The following CPNE5 variants were observed in gnomAD, a reference collection of about 807,000 sequenced individuals.
The protein encoded by CPNE5 is copine-5.
Under a neutral mutation model 81.1 loss-of-function variants are expected in CPNE5, and 42 were observed. That is an observed-to-expected ratio of 0.52 (90% CI 0.40 to 0.67). The LOEUF is 0.67. Ranked by LOEUF, CPNE5 falls within the 30% of genes least tolerant of loss-of-function variation. The probability of loss-of-function intolerance (pLI) is 0.00; values close to 1 mark genes in which losing one functional copy is unlikely to be tolerated. For synonymous variants in CPNE5, 313 were observed against 321.5 expected, an observed-to-expected ratio of 0.97 and a Z score of 0.28; for missense variants, 612 against 815.5, an observed-to-expected ratio of 0.75 and a Z score of 3.04.
chr6:36,765,274 G>A, intron 11 of CPNE5, 61 bp downstream of exon 11: 1 of 1,577,444 alleles, frequency 6.3e-7, no homozygotes, highest in Non-Finnish European at 8.7e-7. Flanking sequence ...TGGGAGGGCA[G>A]GGCCCAGTGG....
chr6:36,749,952 G>T (rs1368283730), intron 14 of CPNE5, among the ~76,000 whole-genome samples: 1 of 152,336 alleles, frequency 6.6e-6, no homozygotes, highest in African/African-American at 2.4e-5. Flanking sequence ...CCCTGATAAA[G>T]TCTAGTCTTA....
intron 3 of CPNE5, among the ~76,000 whole-genome samples, chr6:36,805,421 G>A (rs1281718538): frequency 1.3e-5 from 2 of 152,244 alleles, no homozygotes; most frequent in South Asian, 2.1e-4. Flanking sequence ...GAGGATACTG[G>A]GAGTGGGGGA....
At position 36,787,222 on chromosome 6, in the gene CPNE5, G is replaced by A. The variant is rs78861911; in HGVS notation, c.528+4811C>T. Among the ~76,000 whole-genome samples, 916 of 152,162 alleles carry A rather than the reference G, an allele frequency of 6.0e-3. 6 individuals carry two copies. The highest frequency in any genetic ancestry group is 0.021 in the African/African-American group (855 of 41,488). Reference sequence around the variant, plus strand: ...CTTCTTCCCTCATCTTTCAGGTAGAGAAACTGGCCTCTCCCTGAAGCTTAT... The same window carrying A: ...CTTCTTCCCTCATCTTTCAGGTAGAAAAACTGGCCTCTCCCTGAAGCTTAT... On this transcript the variant is annotated intron_variant, in intron 8 of 20. Coordinates refer to ENST00000244751, the MANE Select transcript of CPNE5 (RefSeq NM_020939.2).
At chr6:36,816,111 A>G (rs1771524639) in intron 3 of CPNE5, among the ~76,000 whole-genome samples, 1 of 152,178 alleles carries the variant, frequency 6.6e-6, no homozygotes, top group East Asian at 1.9e-4. Flanking sequence ...CATTTTATAG[A>G]TTAGTAAGCT....
chr6:36,818,629 G>A (rs540071322), intron 3 of CPNE5, among the ~76,000 whole-genome samples: 2 of 152,300 alleles, frequency 1.3e-5, no homozygotes, highest in Admixed American at 6.5e-5. Flanking sequence ...TTTACCCTCA[G>A]ACGCCAGATG....
At position 36,741,353 on chromosome 6, in the gene CPNE5, G is replaced by GT. The variant is rs34154190; in HGVS notation, c.*914dup. On this transcript the variant is annotated 3_prime_UTR_variant, in exon 21 of 21. Transcript: ENST00000244751. ...CTTGCTTGGGTTCCCACATTAGGCA[G>GT]TGGGGGGAGGCAGGGCTCAAACCCA... 0.16 allele frequency: 25,015 copies of GT among 152,228 alleles called. 2,377 individuals carry two copies. Among genetic ancestry groups the GT allele is most frequent in the East Asian group, 0.26 (1,363 of 5,168 alleles). 9.4% of individuals were successfully genotyped at this position (152,228 alleles called of 1,614,324 possible). A position where few individuals can be genotyped will look rare whatever the true frequency, so the allele number is the denominator to read the frequency against.
At chr6:36,770,613 A>G (rs918134718) in intron 10 of CPNE5, among the ~76,000 whole-genome samples, 3 of 151,460 alleles carry the variant, frequency 2.0e-5, no homozygotes, top group Non-Finnish European at 4.4e-5. Flanking sequence ...CCCTCTGACC[A>G]TCTCCTCTTC....
intron 6 of CPNE5, among the ~76,000 whole-genome samples, chr6:36,796,048 A>C (rs940302355): frequency 6.6e-6 from 1 of 152,126 alleles, no homozygotes; most frequent in Non-Finnish European, 1.5e-5. Context: ...TCCTGGGTTC[A>C]AGCGATTCTC....
intron 3 of CPNE5, among the ~76,000 whole-genome samples, chr6:36,816,777 ATGTT>A (rs1254489822): frequency 8.5e-5 from 13 of 152,166 alleles, no homozygotes; most frequent in African/African-American, 2.6e-4. Context: ...CGTCCCCAGT[ATGTT>A]TGTTTGTTTG....
chr6:36,835,267 G>A (rs748264833), intron 1 of CPNE5, among the ~76,000 whole-genome samples: 2 of 152,194 alleles, frequency 1.3e-5, no homozygotes, highest in East Asian at 1.9e-4. Context: ...AGATCCCTGC[G>A]TGGAGACCTG....
chr6:36,802,103 C>A (rs1415511426), intron 3 of CPNE5, among the ~76,000 whole-genome samples: 2 of 151,560 alleles, frequency 1.3e-5, no homozygotes, highest in East Asian at 3.9e-4. Flanking sequence ...CCTGTAGACC[C>A]AGCTACTCAG....
chr6:36,801,155 C>T (rs2150531759), intron 3 of CPNE5, among the ~76,000 whole-genome samples: 1 of 152,322 alleles, frequency 6.6e-6, no homozygotes, highest in East Asian at 1.9e-4. Context: ...AGCTGATATT[C>T]TAGAATTTTA....
intron 1 of CPNE5, among the ~76,000 whole-genome samples, chr6:36,835,682 G>C (rs1302866325): frequency 6.6e-6 from 1 of 152,064 alleles, no homozygotes; most frequent in African/African-American, 2.4e-5. Flanking sequence ...TGTAATTCCA[G>C]TTACTCAGTA....
chr6:36,812,528 GA>G (rs1192918481), intron 3 of CPNE5, among the ~76,000 whole-genome samples: 2 of 152,094 alleles, frequency 1.3e-5, no homozygotes, highest in Admixed American at 6.5e-5. Flanking sequence ...TTTTATTGAT[GA>G]AAAAAACTAA....
At chr6:36,752,567 C>T (rs1170005163) in intron 14 of CPNE5, 1 of 153,278 alleles carries the variant, frequency 6.5e-6, no homozygotes, top group Admixed American at 6.5e-5. Context: ...CTGTAAGGAA[C>T]CTTAACACTT....
At chr6:36,807,272 T>G (rs1431640837) in intron 3 of CPNE5, among the ~76,000 whole-genome samples, 1 of 152,216 alleles carries the variant, frequency 6.6e-6, no homozygotes, top group African/African-American at 2.4e-5. Flanking sequence ...GCCTCTGGGT[T>G]CAAATTTTGG....
Position 36,800,064 on chromosome 6 carries a change from G to A in CPNE5, c.190C>T (p.Arg64Cys), listed in dbSNP as rs372874067. The A allele has an allele frequency of 2.0e-5, 32 of 1,610,466 alleles. No individual in the cohort carries two copies. The highest frequency in any genetic ancestry group is 4.5e-5 in the East Asian group (2 of 44,850). ...MENKQWREFG[R>C]TEVIDNTLNP... is the part of the protein sequence containing the mutation. The stretch of plus-strand genomic sequence containing the variant: ...AGCGTGTTGTCGATGACTTCGGTGC[G>A]CCCAAACTGCAAGAGAAGATGGAGG... The change falls in exon 4 of 21, where the codon CGC becomes TGC. Residue 64 changes from arginine to cysteine, a missense_variant. Transcript: ENST00000244751.
intron 8 of CPNE5, among the ~76,000 whole-genome samples, chr6:36,782,530 T>C (rs1562131695): frequency 1.3e-5 from 2 of 151,972 alleles, no homozygotes; most frequent in Non-Finnish European, 2.9e-5. Context: ...AAGGGACAGG[T>C]ACAGTGGCTC....
intron 11 of CPNE5, among the ~76,000 whole-genome samples, chr6:36,764,630 C>T (rs1426673606): frequency 2.0e-5 from 3 of 152,104 alleles, no homozygotes; most frequent in African/African-American, 4.8e-5. Flanking sequence ...CTTCGAGAGG[C>T]CTGCTCTTGT....
Sources: allele counts gnomAD v4.1 joint callset (sites outside exome capture counted in the v4.1 genomes callset), GRCh38; gene constraint gnomAD v4.1.1; transcripts MANE v1.5; gene names NCBI Gene and HGNC (gene_info 2026-07-23, HGNC 2026-07-21).